The following SPIDR variants were observed in gnomAD, a reference collection of about 807,000 sequenced individuals.
SPIDR encodes the protein scaffold protein involved in DNA repair, also known as DNA repair-scaffolding protein.
A neutral mutation model predicts 104.6 loss-of-function variants in SPIDR; 93 were observed. That is an observed-to-expected ratio of 0.89 (90% CI 0.75 to 1.06). SPIDR has a LOEUF of 1.06. SPIDR is among the 50% of genes least tolerant of loss of function. The probability of loss-of-function intolerance (pLI) is 0.00; values close to 1 mark genes in which losing one functional copy is unlikely to be tolerated. For synonymous variants in SPIDR, 431 were observed against 416.9 expected (o/e 1.03, Z -0.41); for missense variants, 1,154 against 1,111.2 (o/e 1.04, Z -0.55).
At chr8:47,386,880 GAGAGAGAGAGAA>G (rs1312956289) in intron 5 of SPIDR, among the ~76,000 whole-genome samples, 139 of 82,324 alleles carry the variant, frequency 1.7e-3, no homozygotes, top group African/African-American at 5.8e-3. Flanking sequence ...GACGAGGGGA[GAGAGAGAGAGAA>G]AGAGAGAGAG....
intron 5 of SPIDR, among the ~76,000 whole-genome samples, chr8:47,391,686 T>A (rs1479936930): frequency 1.3e-5 from 2 of 152,008 alleles, no homozygotes; most frequent in African/African-American, 4.8e-5. Flanking sequence ...GTCTTTTGTA[T>A]AGAAATCTTC....
chr8:47,585,668 G>A (rs1283707074), intron 8 of SPIDR, among the ~76,000 whole-genome samples: 1 of 152,088 alleles, frequency 6.6e-6, no homozygotes, highest in African/African-American at 2.4e-5. Flanking sequence ...TATGGAGGTC[G>A]AGGGGTTGCA....
intron 11 of SPIDR, among the ~76,000 whole-genome samples, chr8:47,692,238 C>T (rs550210112): frequency 1.3e-5 from 2 of 152,110 alleles, no homozygotes; most frequent in African/African-American, 2.4e-5. Flanking sequence ...TTATTTTACT[C>T]ACAAAGTTGT....
intron 8 of SPIDR, among the ~76,000 whole-genome samples, chr8:47,565,992 A>ATTTTTTTTTTTT (rs768002878): frequency 6.7e-5 from 1 of 14,950 alleles, no homozygotes; most frequent in African/African-American, 1.6e-4. Flanking sequence ...ATATATATAT[A>ATTTTTTTTTTTT]TTTTTTTTTT....
chr8:47,304,338 A>G (rs1301592815), intron 5 of SPIDR, among the ~76,000 whole-genome samples: 1 of 152,062 alleles, frequency 6.6e-6, no homozygotes, highest in Non-Finnish European at 1.5e-5. Context: ...TGTCCTCACA[A>G]TAGTGAGTGA....
chr8:47,382,633 G>C (rs1395404310), intron 5 of SPIDR, among the ~76,000 whole-genome samples: 8 of 152,096 alleles, frequency 5.3e-5, no homozygotes, highest in African/African-American at 1.9e-4. Flanking sequence ...GGATGGTCTC[G>C]ATCTCTTGAC....
intron 16 of SPIDR, among the ~76,000 whole-genome samples, chr8:47,718,285 C>T (rs887513514): frequency 1.3e-5 from 2 of 152,168 alleles, no homozygotes; most frequent in African/African-American, 4.8e-5. Flanking sequence ...ATGCTGTTCC[C>T]AACTAAAAGC....
At chr8:47,654,938 C>T (rs1298989037) in intron 10 of SPIDR, among the ~76,000 whole-genome samples, 1 of 151,778 alleles carries the variant, frequency 6.6e-6, no homozygotes, top group African/African-American at 2.4e-5. Flanking sequence ...CACGTGTTCT[C>T]ATTGTTCAAT....
rs775682906 is a variant in SPIDR at position 47,735,337 on chromosome 8, G to A, written c.2635G>A (p.Glu879Lys). Residue 879 changes from glutamate (E) to lysine (K), a missense_variant, in exon 20 of 20, where the codon GAA (glutamate) becomes AAA (lysine). Physicochemically the swap from Glu to Lys is moderately conservative, Grantham distance 56. Coordinates refer to ENST00000297423, the MANE Select transcript of SPIDR (RefSeq NM_001080394.4). Reference sequence around the variant, plus strand: ...CGAAGTGAAGAGTGTCCTCGGAAAGGAAGTGGGGTTGTTAAATTGTTTTGT... The same window carrying A: ...CGAAGTGAAGAGTGTCCTCGGAAAGAAAGTGGGGTTGTTAAATTGTTTTGT... ...SYEVKSVLGK[E>K]VGLLNCFVQS... 6.2e-7 allele frequency: 1 copy of A among 1,613,738 alleles called. No individual in the cohort carries two copies. Among genetic ancestry groups the A allele is most frequent in the Non-Finnish European group, 8.5e-7 (1 of 1,179,886 alleles).
chr8:47,521,468 A>T (rs1478710356), intron 8 of SPIDR, among the ~76,000 whole-genome samples: 3 of 142,786 alleles, frequency 2.1e-5, no homozygotes, highest in African/African-American at 7.9e-5. Context: ...ACCGAGTCTC[A>T]CTCTGTCAGC....
chr8:47,330,863 G>C, intron 5 of SPIDR: 1 of 454,652 alleles, frequency 2.2e-6, no homozygotes, highest in South Asian at 1.6e-5. Flanking sequence ...CCTTTGAGTA[G>C]ATACCAAGCA....
At chr8:47,263,894 A>C (rs1377887990) in intron 1 of SPIDR, among the ~76,000 whole-genome samples, 1 of 152,186 alleles carries the variant, frequency 6.6e-6, no homozygotes, top group Non-Finnish European at 1.5e-5. Flanking sequence ...ATTTGTGTCT[A>C]CACCTTTATT....
chr8:47,579,929 C>G (rs1041763100), intron 8 of SPIDR, among the ~76,000 whole-genome samples: 4 of 152,210 alleles, frequency 2.6e-5, no homozygotes, highest in African/African-American at 9.6e-5. Context: ...GGAAAGAGAA[C>G]AGACTGGCTT....
At chr8:47,644,974 A>G (rs1305565473) in intron 10 of SPIDR, among the ~76,000 whole-genome samples, 1 of 152,210 alleles carries the variant, frequency 6.6e-6, no homozygotes, top group South Asian at 2.1e-4. Flanking sequence ...AAGAGAGGCC[A>G]GTGTACCTGG....
intron 5 of SPIDR, among the ~76,000 whole-genome samples, chr8:47,319,207 G>T (rs1486406487): frequency 2.6e-5 from 4 of 152,106 alleles, no homozygotes; most frequent in Non-Finnish European, 5.9e-5. Flanking sequence ...CCCATCTCAT[G>T]TGCAGAAGAC....
At chr8:47,482,632 A>G (rs1364541047) in intron 8 of SPIDR, among the ~76,000 whole-genome samples, 3 of 152,166 alleles carry the variant, frequency 2.0e-5, no homozygotes, top group African/African-American at 7.2e-5. Flanking sequence ...ACTGCAGGTG[A>G]AAAGTGTTTG....
intron 8 of SPIDR, among the ~76,000 whole-genome samples, chr8:47,510,129 G>T (rs950169795): frequency 3.4e-4 from 52 of 151,978 alleles, no homozygotes; most frequent in African/African-American, 5.1e-4. Context: ...CAATGTGGGG[G>T]TTTTTTTTCC....
chr8:47,320,549 A>G (rs2046350841), intron 5 of SPIDR, among the ~76,000 whole-genome samples: 1 of 152,230 alleles, frequency 6.6e-6, no homozygotes, highest in Non-Finnish European at 1.5e-5. Flanking sequence ...TCCTTCTGAA[A>G]CTATTCCAAT....
chr8:47,407,901 G>GAA lies in SPIDR; in HGVS notation c.818_819insAA (p.Ser275AspfsTer26), dbSNP rs1325606133. 5 of 1,606,234 alleles carry GAA rather than the reference G, an allele frequency of 3.1e-6. No individual in the cohort carries two copies. Among genetic ancestry groups the GAA allele is most frequent in the Non-Finnish European group, 4.3e-6 (5 of 1,174,968 alleles). ...AAGACTAAATGGACTGCAGAATCGA[G>GAA]AGAGATCTGCTATTTCTTTGTGGAG... On this transcript the variant is annotated frameshift_variant, in exon 7 of 20. Transcript: ENST00000297423. LOFTEE classifies it high-confidence loss of function.
Sources: gnomAD v4.1 joint callset for allele counts (sites outside exome capture counted in the v4.1 genomes callset) on GRCh38, gnomAD v4.1.1 for gene constraint, MANE v1.5 for transcripts, NCBI Gene and HGNC (gene_info 2026-07-23, HGNC 2026-07-21) for gene names.